Variants in MPDZ observed in about 807,000 individuals in gnomAD.
MPDZ encodes the protein multiple PDZ domain protein.
A neutral mutation model predicts 239.1 loss-of-function variants in MPDZ; 234 were observed. The ratio of observed to expected loss-of-function variants is 0.98; its 90% CI spans 0.88 to 1.09. The LOEUF (loss-of-function observed/expected upper bound fraction) is 1.09. Ranked by LOEUF, MPDZ falls within the 50% of genes least tolerant of loss-of-function variation. The pLI is 0.00. For synonymous variants in MPDZ, 1,048 were observed against 881.3 expected, an observed-to-expected ratio of 1.19 and a Z score of -3.35; for missense variants, 3,175 against 2,510.0, an observed-to-expected ratio of 1.26 and a Z score of -5.66.
chr9:13,191,027 G>A (rs756301586), intron 15 of MPDZ, among the ~76,000 whole-genome samples: 6 of 152,096 alleles, frequency 3.9e-5, no homozygotes, highest in African/African-American at 1.4e-4. Context: ...ATAACTTAAA[G>A]AAAGATGTGT....
At chr9:13,264,477 T>C (rs1971370313) in intron 1 of MPDZ, among the ~76,000 whole-genome samples, 1 of 152,176 alleles carries the variant, frequency 6.6e-6, no homozygotes, top group African/African-American at 2.4e-5. Flanking sequence ...TAAAGCTCAC[T>C]GAGGTTTGAT....
chr9:13,167,266 G>C (rs559020399), intron 22 of MPDZ, among the ~76,000 whole-genome samples: 1 of 152,084 alleles, frequency 6.6e-6, no homozygotes, highest in Non-Finnish European at 1.5e-5. Flanking sequence ...ATTATTATAA[G>C]GCAGTTAAGG....
At chr9:13,212,939 T>G (rs1161156044) in intron 10 of MPDZ, among the ~76,000 whole-genome samples, 4 of 152,016 alleles carry the variant, frequency 2.6e-5, no homozygotes, top group Non-Finnish European at 5.9e-5. Context: ...CAACCTAGGT[T>G]GCCAGGGCCT....
chr9:13,213,837 A>G (rs997385279), intron 10 of MPDZ, among the ~76,000 whole-genome samples: 6 of 152,074 alleles, frequency 3.9e-5, no homozygotes, highest in African/African-American at 1.4e-4. Flanking sequence ...GGGGGAAGTT[A>G]TCATGAGACT....
At chr9:13,116,378 T>G (rs983120886) in intron 39 of MPDZ, among the ~76,000 whole-genome samples, 36 of 152,310 alleles carry the variant, frequency 2.4e-4, no homozygotes, top group African/African-American at 8.4e-4. Context: ...AAATAAACCA[T>G]GAACAATGCT....
At chr9:13,201,036 T>C (rs1006714812) in intron 12 of MPDZ, among the ~76,000 whole-genome samples, 2 of 152,098 alleles carry the variant, frequency 1.3e-5, no homozygotes, top group Non-Finnish European at 2.9e-5. Context: ...TATCATATTA[T>C]AGTAAATCTC....
intron 21 of MPDZ, among the ~76,000 whole-genome samples, chr9:13,175,008 G>A (rs902191113): frequency 6.6e-6 from 1 of 152,100 alleles, no homozygotes; most frequent in Non-Finnish European, 1.5e-5. Context: ...CTTCATAGAA[G>A]GAAAAGGATC....
intron 10 of MPDZ, among the ~76,000 whole-genome samples, chr9:13,215,952 T>G (rs923067214): frequency 3.4e-5 from 5 of 145,902 alleles, no homozygotes; most frequent in Admixed American, 6.9e-5. Flanking sequence ...TTTGTTTTTT[T>G]TTTTTTTTTT....
intron 18 of MPDZ, 77 bp downstream of exon 18, chr9:13,186,193 T>G (rs1221392117): frequency 1.4e-6 from 1 of 700,770 alleles, no homozygotes; most frequent in Non-Finnish European, 2.1e-6. Context: ...ATAATAGACT[T>G]CTTCAGAATA....
intron 41 of MPDZ, 112 bp from the exon 42 acceptor site, chr9:13,113,166 T>A (rs1563819226): frequency 1.1e-6 from 1 of 884,794 alleles, no homozygotes; most frequent in Non-Finnish European, 1.7e-6. Flanking sequence ...TTTCTTTTTT[T>A]AAGGGGGTGC....
intron 38 of MPDZ, chr9:13,120,434 C>G (rs369064546): frequency 8.1e-4 from 124 of 152,246 alleles, no homozygotes; most frequent in African/African-American, 2.8e-3. Context: ...GTATGGTCTT[C>G]CCAAGGCACA....
intron 12 of MPDZ, among the ~76,000 whole-genome samples, chr9:13,204,214 G>A (rs1181198170): frequency 2.0e-5 from 3 of 152,064 alleles, no homozygotes; most frequent in African/African-American, 2.4e-5. Context: ...AGTACCTAAA[G>A]CAATCTGAAA....
At chr9:13,214,484 G>A (rs1216315305) in intron 10 of MPDZ, among the ~76,000 whole-genome samples, 2 of 151,914 alleles carry the variant, frequency 1.3e-5, no homozygotes, top group African/African-American at 2.4e-5. Flanking sequence ...AAATGTTCTA[G>A]AATTCACCAT....
At chr9:13,158,180 C>CCTG in intron 23 of MPDZ, 70 bp from the exon 24 acceptor site, 1 of 1,183,066 alleles carries the variant, frequency 8.5e-7, no homozygotes, top group Non-Finnish European at 1.2e-6. Context: ...ATGTACTCTA[C>CCTG]TATTGATTTA....
At chr9:13,147,515 G>T in intron 26 of MPDZ, 33 bp downstream of exon 26, 1 of 1,504,104 alleles carries the variant, frequency 6.6e-7, no homozygotes, top group Non-Finnish European at 9.3e-7. Context: ...ACACTGTTTG[G>T]ATATGCCTAC....
chr9:13,223,038 C>A (rs1458664889), intron 5 of MPDZ, among the ~76,000 whole-genome samples: 1 of 152,018 alleles, frequency 6.6e-6, no homozygotes, highest in Non-Finnish European at 1.5e-5. Context: ...ATAGGATTTG[C>A]ACTGTGTTAG....
At chr9:13,273,735 C>G (rs1020273562) in intron 1 of MPDZ, among the ~76,000 whole-genome samples, 2 of 152,126 alleles carry the variant, frequency 1.3e-5, no homozygotes, top group Admixed American at 6.6e-5. Flanking sequence ...ATTTAACCCA[C>G]TTTCTTCAAA....
chr9:13,146,332 A>G lies in MPDZ; in HGVS notation c.3741+1216T>C, dbSNP rs183584189. Among the ~76,000 whole-genome samples the G allele has an allele frequency of 3.3e-5, 5 of 152,190 alleles. No individual in the cohort carries two copies. In the East Asian group the frequency reaches 9.6e-4, roughly 29 times the overall value. On this transcript the variant is annotated intron_variant, in intron 26 of 46. Coordinates refer to ENST00000319217, the MANE Select transcript of MPDZ (RefSeq NM_001378778.1). ...CATAGAATATTGATAAGTTACTTTGACAGAGCTCATCTAAAGAGCTGTTGG... is the reference window on the plus strand; with the variant it reads ...CATAGAATATTGATAAGTTACTTTGGCAGAGCTCATCTAAAGAGCTGTTGG...
At chr9:13,245,230 G>C (rs867431715) in intron 3 of MPDZ, among the ~76,000 whole-genome samples, 3 of 151,688 alleles carry the variant, frequency 2.0e-5, no homozygotes, top group African/African-American at 7.3e-5. Context: ...TTTTAGAATA[G>C]AAACTAATAT....
Sources: gnomAD v4.1 joint callset for allele counts (sites outside exome capture counted in the v4.1 genomes callset) on GRCh38, gnomAD v4.1.1 for gene constraint, MANE v1.5 for transcripts, NCBI Gene and HGNC (gene_info 2026-07-23, HGNC 2026-07-21) for gene names.